NIN: variants seen among roughly 807,000 people sequenced by gnomAD.
The protein encoded by NIN is glycogen synthase kinase 3 beta-interacting protein.
Under a neutral mutation model 257.6 loss-of-function variants are expected in NIN, and 137 were observed. The ratio of observed to expected loss-of-function variants is 0.53; its 90% CI spans 0.46 to 0.61. The LOEUF is 0.61. Among genes scored for constraint, NIN ranks in the 20% least tolerant of loss-of-function variants. The probability of loss-of-function intolerance (pLI) is 0.00; values close to 1 mark genes in which losing one functional copy is unlikely to be tolerated. For missense variants in NIN, 2,439 were observed against 2,501.2 expected (o/e 0.98, Z 0.53); for synonymous variants, 918 against 919.8 (o/e 1.00, Z 0.04).
At chr14:50,806,937 C>T (rs376753477) in intron 3 of NIN, 119 bp from the exon 4 acceptor site, 46 of 498,188 alleles carry the variant, frequency 9.2e-5, no homozygotes, top group African/African-American at 3.6e-4. Flanking sequence ...GAGTCATAAT[C>T]CAATTTGTTG....
At chr14:50,820,145 C>T (rs2045130800) in intron 3 of NIN, among the ~76,000 whole-genome samples, 1 of 152,184 alleles carries the variant, frequency 6.6e-6, no homozygotes, top group Non-Finnish European at 1.5e-5. Context: ...AATATGCATC[C>T]ATCTATTTAA....
chr14:50,798,080 C>T (rs1423084083), intron 4 of NIN, among the ~76,000 whole-genome samples: 4 of 152,168 alleles, frequency 2.6e-5, no homozygotes, highest in Non-Finnish European at 4.4e-5. Context: ...ACATGATCTG[C>T]CTTTCCTTTT....
In NIN at chr14:50,792,923, T is replaced by A. The variant is rs371799861; in HGVS notation, c.266-42A>T. On this transcript the variant is annotated intron_variant, in intron 4 of 30. Transcript: ENST00000530997. Reference sequence around the variant, plus strand: ...GAGTTGAGGCCACATGACATGAGAATCTCAGTTCTTAGCTGCCACTCACAG... The same window carrying A: ...GAGTTGAGGCCACATGACATGAGAAACTCAGTTCTTAGCTGCCACTCACAG... 32 of 1,597,520 alleles carry A rather than the reference T, an allele frequency of 2.0e-5. No individual in the cohort carries two copies. In the African/African-American group the frequency reaches 2.7e-4, roughly 13 times the overall value.
intron 12 of NIN, among the ~76,000 whole-genome samples, chr14:50,768,130 T>C (rs2042583167): frequency 6.6e-6 from 1 of 151,106 alleles, no homozygotes; most frequent in South Asian, 2.1e-4. Context: ...TCTTTTCCAG[T>C]GTTAAAGGCT....
intron 4 of NIN, among the ~76,000 whole-genome samples, chr14:50,802,108 A>C (rs1342403056): frequency 6.6e-6 from 1 of 152,230 alleles, no homozygotes; most frequent in Non-Finnish European, 1.5e-5. Context: ...GCTAATAATT[A>C]AGTTGTTGCC....
chr14:50,723,501 G>C lies in NIN; in HGVS notation c.6364C>G (p.Pro2122Ala). Reference protein sequence around the residue: ...SLSNIVRNLTPAPLTSTPPLR... With the variant: ...SLSNIVRNLTAAPLTSTPPLR... ...GGAGGTGTAGAAGTCAATGGCGCTG[G>C]TGTCAGATTCCTAACTATATTACTG... Residue 2122 changes from proline (P) to alanine (A), a missense_variant, in exon 31 of 31, where the codon CCA (proline) becomes GCA (alanine). This residue lies in a region of NIN where 2,043 missense variants were observed against 2,050.2 expected (regional missense o/e 1.00). Transcript: ENST00000530997. 6.2e-7 allele frequency: 1 copy of C among 1,613,308 alleles called. No individual in the cohort carries two copies. Among genetic ancestry groups the C allele is most frequent in the East Asian group, 2.2e-5 (1 of 44,870 alleles).
intron 2 of NIN, among the ~76,000 whole-genome samples, chr14:50,822,670 C>T (rs1012736444): frequency 1.3e-5 from 2 of 152,176 alleles, no homozygotes; most frequent in African/African-American, 4.8e-5. Flanking sequence ...GCAAGAGGCA[C>T]TAAATGAACA....
chr14:50,811,544 CTT>C (rs55734117), intron 3 of NIN, among the ~76,000 whole-genome samples: 95 of 75,278 alleles, frequency 1.3e-3, no homozygotes, highest in African/African-American at 2.4e-3. Context: ...AATGGTCAAG[CTT>C]TTTTTTTTTT....
intron 6 of NIN, 35 bp from the exon 7 acceptor site, chr14:50,777,174 G>A: frequency 6.6e-7 from 1 of 1,506,370 alleles, no homozygotes; most frequent in South Asian, 1.3e-5. Context: ...GGTTTCCAAA[G>A]GAATTGCAAA....
intron 3 of NIN, among the ~76,000 whole-genome samples, chr14:50,815,607 A>C (rs1229374826): frequency 6.6e-6 from 1 of 152,260 alleles, no homozygotes; most frequent in African/African-American, 2.4e-5. Context: ...TCATTGCAGC[A>C]CTATTCACAA....
At chr14:50,824,948 A>G (rs1238175038) in intron 2 of NIN, among the ~76,000 whole-genome samples, 4 of 152,262 alleles carry the variant, frequency 2.6e-5, no homozygotes, top group African/African-American at 9.6e-5. Context: ...ATAGGCTAGT[A>G]ATTAAGTAAA....
intron 11 of NIN, 139 bp from the exon 12 acceptor site, chr14:50,770,701 G>T (rs1046552143): frequency 7.5e-7 from 1 of 1,333,434 alleles, no homozygotes; most frequent in South Asian, 1.4e-5. Context: ...TTTCCCTTAG[G>T]GCTTGACCAC....
At chr14:50,790,921 A>G (rs569340903) in intron 5 of NIN, among the ~76,000 whole-genome samples, 1 of 152,358 alleles carries the variant, frequency 6.6e-6, no homozygotes, top group East Asian at 1.9e-4. Flanking sequence ...GTTGCCAGCA[A>G]CAAAGTCAGC....
Position 50,721,684 on chromosome 14 carries a change from A to G in NIN, c.*1779T>C, listed in dbSNP as rs567467922. 32 of 217,538 alleles carry G rather than the reference A, an allele frequency of 1.5e-4. No individual in the cohort carries two copies. Among genetic ancestry groups the G allele is most frequent in the Non-Finnish European group, 2.6e-4 (28 of 107,924 alleles). The allele number at this position is 217,538 out of a possible 1,614,324, so 13.5% of individuals were successfully genotyped here. A position where few individuals can be genotyped will look rare whatever the true frequency, so the allele number is the denominator to read the frequency against. ...GTCAAATATTTTGAAGTATAATTAT[A>G]GGGAAGGATTAAAATTAACTCTTTA... On this transcript the variant is annotated 3_prime_UTR_variant, in exon 31 of 31. Coordinates refer to ENST00000530997, the MANE Select transcript of NIN (RefSeq NM_020921.4).
At chr14:50,739,061 A>AT (rs2041144770) in intron 26 of NIN, among the ~76,000 whole-genome samples, 1 of 152,184 alleles carries the variant, frequency 6.6e-6, no homozygotes, top group South Asian at 2.1e-4. Flanking sequence ...ATGAGTCTAT[A>AT]TTTTGGATAT....
At chr14:50,767,618 C>G (rs1234396861) in intron 12 of NIN, among the ~76,000 whole-genome samples, 3 of 152,042 alleles carry the variant, frequency 2.0e-5, no homozygotes, top group African/African-American at 7.2e-5. Context: ...GAGATCGAGA[C>G]CATCCTGGCG....
intron 3 of NIN, among the ~76,000 whole-genome samples, chr14:50,817,515 A>T (rs939141171): frequency 2.0e-5 from 3 of 152,228 alleles, no homozygotes; most frequent in African/African-American, 7.2e-5. Flanking sequence ...TTAATACTAA[A>T]AATTTCAACA....
Position 50,811,648 on chromosome 14 carries a change from C to T in NIN, c.184-4830G>A, listed in dbSNP as rs559354532. ...TTTGCAGTGGCTCACACCTGTAATC[C>T]CAGCACTTTGTGAGGCCAAAGCGGG... On this transcript the variant is annotated intron_variant, in intron 3 of 30. Coordinates refer to ENST00000530997, the MANE Select transcript of NIN (RefSeq NM_020921.4). Among the ~76,000 whole-genome samples the T allele has an allele frequency of 4.2e-5, 6 of 143,192 alleles. No homozygotes were observed. The South Asian group carries it at 1.1e-3, about 27-fold the overall frequency. 93.9% of individuals were successfully genotyped at this position (143,192 alleles called of 152,430 possible).
At chr14:50,819,544 A>G (rs1441534301) in intron 3 of NIN, among the ~76,000 whole-genome samples, 1 of 152,080 alleles carries the variant, frequency 6.6e-6, no homozygotes, top group Non-Finnish European at 1.5e-5. Flanking sequence ...ACCTTCCACC[A>G]TGATTGTGAG....
Sources: gnomAD v4.1 joint callset for allele counts (sites outside exome capture counted in the v4.1 genomes callset) on GRCh38, gnomAD v4.1.1 for gene constraint, gnomAD v4.1.1 regional missense constraint, MANE v1.5 for transcripts, NCBI Gene and HGNC (gene_info 2026-07-23, HGNC 2026-07-21) for gene names.